ZNF827: variants seen among roughly 807,000 people sequenced by gnomAD.
The protein encoded by ZNF827 is zinc finger protein 827.
In ZNF827, 13 loss-of-function variants were observed where a neutral mutation model predicts 102.4. The ratio of observed to expected loss-of-function variants is 0.13; its 90% confidence interval spans 0.08 to 0.20. The LOEUF is 0.20. Among genes scored for constraint, ZNF827 ranks in the 10% least tolerant of loss-of-function variants. ZNF827 has a pLI of 1.00. For synonymous variants in ZNF827, 523 were observed against 536.2 expected (o/e 0.98, Z 0.34); for missense variants, 1,103 against 1,344.4 (o/e 0.82, Z 2.81).
chr4:145,922,434 T>C (rs997222100), intron 1 of ZNF827, among the ~76,000 whole-genome samples: 5 of 152,328 alleles, frequency 3.3e-5, no homozygotes, highest in East Asian at 1.9e-4. Context: ...GCAACAGCAA[T>C]AAATCATACT....
At chr4:145,776,039 G>T in intron 9 of ZNF827, 79 bp from the exon 10 acceptor site, 1 of 1,529,182 alleles carries the variant, frequency 6.5e-7, no homozygotes, top group South Asian at 1.2e-5. Flanking sequence ...ATCAGTTAAA[G>T]GTATCAAGGA....
At chr4:145,877,303 G>C (rs189023419) in intron 4 of ZNF827, among the ~76,000 whole-genome samples, 88 of 152,296 alleles carry the variant, frequency 5.8e-4, no homozygotes, top group African/African-American at 2.1e-3. Context: ...ATGTATGTAT[G>C]TATGAACAGG....
chr4:145,895,190 T>C (rs879070143), intron 2 of ZNF827, among the ~76,000 whole-genome samples: 6 of 152,284 alleles, frequency 3.9e-5, no homozygotes, highest in Non-Finnish European at 7.4e-5. Flanking sequence ...TGGCACACCA[T>C]AGGAAGGCAA....
At chr4:145,830,182 A>C (rs1744072452) in intron 7 of ZNF827, among the ~76,000 whole-genome samples, 1 of 152,224 alleles carries the variant, frequency 6.6e-6, no homozygotes, top group Non-Finnish European at 1.5e-5. Context: ...AAACTAAAGG[A>C]AATGAGAACA....
rs556574774 is a variant in ZNF827, at chr4:145,901,888, A to C, written c.1093+278T>G. ...TCTTGTATGGACCTAGCCTGAACTT[A>C]GTAAGAAAAAAAAATCATTTGTATG... On this transcript the variant is annotated intron_variant, in intron 2 of 14. Coordinates refer to ENST00000508784, the MANE Select transcript of ZNF827 (RefSeq NM_001306215.2). Among the ~76,000 whole-genome samples, 8 of 152,280 alleles carry C rather than the reference A, an allele frequency of 5.3e-5. No homozygotes were observed. The South Asian group carries it at 1.5e-3, about 28-fold the overall frequency.
At chr4:145,857,012 CTT>C (rs1747212987) in intron 5 of ZNF827, among the ~76,000 whole-genome samples, 1 of 151,972 alleles carries the variant, frequency 6.6e-6, no homozygotes, top group Non-Finnish European at 1.5e-5. Flanking sequence ...CACACACACT[CTT>C]ATTCTTAAAA....
intron 5 of ZNF827, among the ~76,000 whole-genome samples, chr4:145,855,166 C>A (rs1375047949): frequency 2.0e-5 from 3 of 152,158 alleles, no homozygotes; most frequent in Non-Finnish European, 4.4e-5. Context: ...CTGATATAAA[C>A]AATATCAATT....
At chr4:145,922,672 G>A (rs988832896) in intron 1 of ZNF827, among the ~76,000 whole-genome samples, 15 of 152,244 alleles carry the variant, frequency 9.9e-5, no homozygotes, top group Non-Finnish European at 2.1e-4. Context: ...TACGGTGGCT[G>A]TCTCAAGGAA....
At chr4:145,849,637 A>T (rs564788376) in intron 5 of ZNF827, 76 bp from the exon 6 acceptor site, 2 of 1,589,252 alleles carry the variant, frequency 1.3e-6, no homozygotes, top group Non-Finnish European at 1.7e-6. Flanking sequence ...TTCTAATCAC[A>T]GAGAAAACCA....
intron 11 of ZNF827, among the ~76,000 whole-genome samples, chr4:145,768,749 T>G (rs941973434): frequency 2.1e-5 from 3 of 144,848 alleles, no homozygotes; most frequent in Non-Finnish European, 4.5e-5. Flanking sequence ...TCCCAGCTAC[T>G]TGGGAGGGTG....
intron 8 of ZNF827, among the ~76,000 whole-genome samples, chr4:145,789,422 A>C (rs1036436429): frequency 7.2e-5 from 11 of 152,242 alleles, no homozygotes; most frequent in African/African-American, 2.4e-4. Flanking sequence ...CATAATTAAA[A>C]CAATAGCTTA....
At chr4:145,892,034 G>A (rs1406158843) in intron 3 of ZNF827, among the ~76,000 whole-genome samples, 1 of 152,212 alleles carries the variant, frequency 6.6e-6, no homozygotes, top group South Asian at 2.1e-4. Flanking sequence ...GATATCGAAG[G>A]TTCTCTCTCT....
intron 3 of ZNF827, among the ~76,000 whole-genome samples, chr4:145,889,121 T>C (rs1358125786): frequency 6.6e-6 from 1 of 152,276 alleles, no homozygotes; most frequent in African/African-American, 2.4e-5. Flanking sequence ...GGATCAACTT[T>C]ATATTCCTTT....
At chr4:145,878,607 A>G (rs143957711) in intron 4 of ZNF827, among the ~76,000 whole-genome samples, 1 of 76,954 alleles carries the variant, frequency 1.3e-5, no homozygotes, top group Non-Finnish European at 2.7e-5. Context: ...CAGGACAGGA[A>G]AGGAAAGGAA....
chr4:145,781,714 T>C (rs545814667), intron 8 of ZNF827, among the ~76,000 whole-genome samples: 4 of 152,342 alleles, frequency 2.6e-5, no homozygotes, highest in African/African-American at 7.2e-5. Context: ...GTCCACGCAG[T>C]GGGCATTTCA....
intron 1 of ZNF827, among the ~76,000 whole-genome samples, chr4:145,908,727 A>G (rs1232265957): frequency 1.3e-5 from 2 of 152,194 alleles, no homozygotes; most frequent in Non-Finnish European, 2.9e-5. Flanking sequence ...TGTTCAGGGA[A>G]CTGTTCCCTG....
chr4:145,849,264 A>G, intron 6 of ZNF827, 58 bp downstream of exon 6: 1 of 1,574,570 alleles, frequency 6.4e-7, no homozygotes, highest in South Asian at 1.2e-5. Flanking sequence ...AAACTGTGTT[A>G]GAAGGGTTTT....
chr4:145,885,673 A>G lies in ZNF827; in HGVS notation c.1747+5T>C, dbSNP rs1750061975. On this transcript the variant is annotated splice_donor_5th_base_variant and intron_variant, in intron 4 of 14. Transcript: ENST00000508784. ...GAGAGAGAGAATACAACCCTATTCA[A>G]GTACCTGACAGCTTCATGAGAAAAT... The G allele has an allele frequency of 3.3e-6, 5 of 1,523,584 alleles. No homozygotes were observed. Among genetic ancestry groups the G allele is most frequent in the Non-Finnish European group, 4.4e-6 (5 of 1,138,198 alleles). 94.4% of individuals were successfully genotyped at this position (1,523,584 alleles called of 1,614,324 possible).
chr4:145,850,567 A>G (rs1746434383), intron 5 of ZNF827, among the ~76,000 whole-genome samples: 1 of 148,772 alleles, frequency 6.7e-6, no homozygotes, highest in African/African-American at 2.6e-5. Flanking sequence ...AGTCTGAAAC[A>G]CATATTTGTT....
Sources: gnomAD v4.1 joint callset for allele counts (sites outside exome capture counted in the v4.1 genomes callset) on GRCh38, gnomAD v4.1.1 for gene constraint, MANE v1.5 for transcripts, NCBI Gene and HGNC (gene_info 2026-07-23, HGNC 2026-07-21) for gene names.